The following CAMTA1 variants were observed in gnomAD, a reference collection of about 807,000 sequenced individuals.
CAMTA1 encodes the protein calmodulin-binding transcription activator 1.
Under a neutral mutation model 170.9 loss-of-function variants are expected in CAMTA1, and 27 were observed. The ratio of observed to expected loss-of-function variants is 0.16; its 90% CI spans 0.12 to 0.22. The LOEUF (loss-of-function observed/expected upper bound fraction) is 0.22, where lower values mean the gene tolerates loss of function less well. Ranked by LOEUF, CAMTA1 falls within the 10% of genes least tolerant of loss-of-function variation. The pLI, the probability that CAMTA1 is intolerant of heterozygous loss-of-function variation, is 1.00. For synonymous variants in CAMTA1, 833 were observed against 891.5 expected (o/e 0.93, Z 1.17); for missense variants, 1,619 against 2,217.2 (o/e 0.73, Z 5.42).
At chr1:7,446,192 A>G (rs1490498646) in intron 5 of CAMTA1, among the ~76,000 whole-genome samples, 1 of 151,988 alleles carries the variant, frequency 6.6e-6, no homozygotes, top group East Asian at 1.9e-4. Context: ...AAAAAAAAAA[A>G]AAAGCCTAGC....
chr1:7,263,901 T>C (rs920853520), intron 5 of CAMTA1, among the ~76,000 whole-genome samples: 2 of 152,232 alleles, frequency 1.3e-5, no homozygotes, highest in Non-Finnish European at 2.9e-5. Flanking sequence ...TGCTTAATTA[T>C]ACTTTCTTGA....
At chr1:7,614,363 A>G (rs2095544886) in intron 6 of CAMTA1, among the ~76,000 whole-genome samples, 1 of 152,056 alleles carries the variant, frequency 6.6e-6, no homozygotes, top group African/African-American at 2.4e-5. Flanking sequence ...TCCTGCTCAC[A>G]CAAAACCAGA....
chr1:6,902,084 T>TAAAATAA (rs1553180537), intron 3 of CAMTA1, among the ~76,000 whole-genome samples: 20 of 105,012 alleles, frequency 1.9e-4, no homozygotes, highest in African/African-American at 5.4e-4. Flanking sequence ...AAAAAAAAAA[T>TAAAATAA]AAAAATAAAA....
intron 5 of CAMTA1, among the ~76,000 whole-genome samples, chr1:7,402,241 C>A (rs2089956741): frequency 6.6e-6 from 1 of 152,166 alleles, no homozygotes; most frequent in African/African-American, 2.4e-5. Flanking sequence ...CTGTAGGTCT[C>A]CAGCGGCTTT....
chr1:7,653,512 C>T (rs2095860566), intron 7 of CAMTA1, among the ~76,000 whole-genome samples: 1 of 152,214 alleles, frequency 6.6e-6, no homozygotes. Context: ...ATCCACCCTC[C>T]CCAGCCTCCC....
intron 3 of CAMTA1, among the ~76,000 whole-genome samples, chr1:7,022,616 C>A (rs372023269): frequency 2.0e-5 from 3 of 152,168 alleles, no homozygotes; most frequent in Non-Finnish European, 2.9e-5. Flanking sequence ...ACTTCTGTTG[C>A]CAGCGCCTCA....
chr1:7,202,585 A>G (rs1255681050), intron 4 of CAMTA1, among the ~76,000 whole-genome samples: 5 of 152,266 alleles, frequency 3.3e-5, no homozygotes, highest in Middle Eastern at 3.4e-3. Flanking sequence ...AGTTTTTGCA[A>G]TGTAAGTTTT....
At chr1:7,502,921 G>A (rs1011587879) in intron 6 of CAMTA1, among the ~76,000 whole-genome samples, 5 of 141,734 alleles carry the variant, frequency 3.5e-5, no homozygotes, top group South Asian at 2.6e-4. Context: ...CCCCTGCCCC[G>A]CACCCCATGG....
chr1:7,750,980 T>A (rs1350368761), intron 19 of CAMTA1: 1 of 687,300 alleles, frequency 1.5e-6, no homozygotes, highest in African/African-American at 1.8e-5. Flanking sequence ...AGGGAAAAAA[T>A]ATATGTCTGA....
chr1:6,813,480 G>GTT (rs560680567), intron 1 of CAMTA1, among the ~76,000 whole-genome samples: 14 of 131,350 alleles, frequency 1.1e-4, no homozygotes, highest in South Asian at 2.5e-4. Flanking sequence ...CTCCTTTTAA[G>GTT]TTTTTTTTTT....
At chr1:7,149,892 C>T (rs1370244372) in intron 4 of CAMTA1, among the ~76,000 whole-genome samples, 2 of 152,182 alleles carry the variant, frequency 1.3e-5, no homozygotes, top group South Asian at 2.1e-4. Context: ...CTCCTGATAA[C>T]GATTCACGAA....
chr1:7,108,035 G>A (rs528669430), intron 4 of CAMTA1, among the ~76,000 whole-genome samples: 1 of 152,130 alleles, frequency 6.6e-6, no homozygotes, highest in Non-Finnish European at 1.5e-5. Context: ...GACATTTTTG[G>A]TGGTCACCAT....
intron 3 of CAMTA1, among the ~76,000 whole-genome samples, chr1:6,878,067 TAAAG>T (rs1188496615): frequency 1.3e-5 from 2 of 152,212 alleles, no homozygotes; most frequent in African/African-American, 2.4e-5. Flanking sequence ...AAGTTTTAAT[TAAAG>T]AAACACCAGA....
intron 3 of CAMTA1, among the ~76,000 whole-genome samples, chr1:7,081,235 A>G (rs1359841741): frequency 6.6e-6 from 1 of 152,246 alleles, no homozygotes; most frequent in Non-Finnish European, 1.5e-5. Context: ...AATAATAATG[A>G]TGATGGTAAG....
At chr1:7,318,644 G>A (rs1402133794) in intron 5 of CAMTA1, among the ~76,000 whole-genome samples, 1 of 152,204 alleles carries the variant, frequency 6.6e-6, no homozygotes, top group Admixed American at 6.5e-5. Context: ...CCACAGGAGA[G>A]GATGGTTGGG....
chr1:7,147,200 C>T (rs564894698), intron 4 of CAMTA1, among the ~76,000 whole-genome samples: 14 of 152,156 alleles, frequency 9.2e-5, no homozygotes, highest in African/African-American at 3.1e-4. Context: ...GTGGGCAGAT[C>T]ACAAGGTCAA....
intron 6 of CAMTA1, among the ~76,000 whole-genome samples, chr1:7,516,982 T>C (rs1482516167): frequency 1.3e-5 from 2 of 152,174 alleles, no homozygotes; most frequent in Non-Finnish European, 2.9e-5. Context: ...TCGTGTGAAA[T>C]CCCACCTTCC....
chr1:7,424,003 C>T lies in CAMTA1; in HGVS notation c.439-43827C>T, dbSNP rs376123457. 2.8e-4 allele frequency among the ~76,000 whole-genome samples: 42 copies of T among 152,244 alleles called. 1 individual carries two copies. Among genetic ancestry groups the T allele is most frequent in the East Asian group, 1.5e-3 (8 of 5,164 alleles). On this transcript the variant is annotated intron_variant, in intron 5 of 22. Transcript: ENST00000303635. ...CTGTGAGCTATTTGGAAGCCCTTGC[C>T]GTCTGCCCCAGCACCATGCGGCACC...
At chr1:7,188,076 G>A (rs1314626717) in intron 4 of CAMTA1, among the ~76,000 whole-genome samples, 2 of 152,122 alleles carry the variant, frequency 1.3e-5, no homozygotes, top group Non-Finnish European at 2.9e-5. Flanking sequence ...GAGAGAAGTG[G>A]GCAAGAGGGG....
Sources: gnomAD v4.1 joint callset for allele counts (sites outside exome capture counted in the v4.1 genomes callset) on GRCh38, gnomAD v4.1.1 for gene constraint, MANE v1.5 for transcripts, NCBI Gene and HGNC (gene_info 2026-07-23, HGNC 2026-07-21) for gene names.